GATAD2B: variants seen among roughly 807,000 people sequenced by gnomAD.
The protein encoded by GATAD2B is GATA zinc finger domain containing 2B.
GATAD2B carries 8 observed loss-of-function variants against 64.3 expected under a neutral mutation model. That is an observed-to-expected ratio of 0.12 (90% confidence interval 0.07 to 0.22). GATAD2B has a LOEUF of 0.22. GATAD2B is among the 10% of genes least tolerant of loss of function. The pLI, the probability that GATAD2B is intolerant of heterozygous loss-of-function variation, is 1.00. For missense variants in GATAD2B, 453 were observed against 752.0 expected (o/e 0.60, Z 4.65); for synonymous variants, 281 against 271.3 (o/e 1.04, Z -0.35).
chr1:153,820,733 G>C (rs924609667), intron 2 of GATAD2B, among the ~76,000 whole-genome samples: 1 of 151,428 alleles, frequency 6.6e-6, no homozygotes, highest in African/African-American at 2.4e-5. Context: ...GAGCTCAAGC[G>C]ATCCTCCCAC....
chr1:153,856,729 G>C (rs1325728881), intron 1 of GATAD2B, among the ~76,000 whole-genome samples: 1 of 151,906 alleles, frequency 6.6e-6, no homozygotes, highest in South Asian at 2.1e-4. Context: ...AACATAGCGA[G>C]ACCCCCATCT....
intron 1 of GATAD2B, among the ~76,000 whole-genome samples, chr1:153,882,848 T>C (rs1170400298): frequency 3.3e-5 from 5 of 152,192 alleles, no homozygotes; most frequent in Non-Finnish European, 7.3e-5. Flanking sequence ...CCAATCATTT[T>C]ATAAGGACTT....
chr1:153,818,988 A>G, intron 3 of GATAD2B, 66 bp from the exon 4 acceptor site: 1 of 1,513,802 alleles, frequency 6.6e-7, no homozygotes, highest in Non-Finnish European at 9.0e-7. Flanking sequence ...TGCAAGAGAC[A>G]ATCTTTACTT....
intron 1 of GATAD2B, among the ~76,000 whole-genome samples, chr1:153,894,748 G>C (rs1416581782): frequency 6.6e-6 from 1 of 152,202 alleles, no homozygotes; most frequent in Non-Finnish European, 1.5e-5. Flanking sequence ...TGCAGTCCCA[G>C]CTACTTGGCA....
At position 153,813,232 on chromosome 1, in the gene GATAD2B, A is replaced by G. The variant is rs1674353325; in HGVS notation, c.1419+18T>C. On this transcript the variant is annotated intron_variant, in intron 8 of 10. Coordinates refer to ENST00000368655, the MANE Select transcript of GATAD2B (RefSeq NM_020699.4). ...AACAAACTGGGACAGGTGGCCAGTG[A>G]GCAGTCAGAATTCTTACCTGTTCCT... 2.5e-6 allele frequency: 4 copies of G among 1,603,936 alleles called. No individual in the cohort carries two copies. The East Asian group carries it at 8.9e-5, about 36-fold the overall frequency.
chr1:153,820,315 A>T (rs1396316167), intron 2 of GATAD2B, among the ~76,000 whole-genome samples: 1 of 152,140 alleles, frequency 6.6e-6, no homozygotes, highest in African/African-American at 2.4e-5. Flanking sequence ...TCTAGAAATT[A>T]CTTTGAAATC....
At chr1:153,903,655 C>T (rs1677844371) in intron 1 of GATAD2B, among the ~76,000 whole-genome samples, 1 of 152,178 alleles carries the variant, frequency 6.6e-6, no homozygotes, top group Admixed American at 6.6e-5. Context: ...TACCTAAATA[C>T]TCTTTACCAT....
At chr1:153,832,513 C>T (rs1570941518) in intron 1 of GATAD2B, among the ~76,000 whole-genome samples, 1 of 152,160 alleles carries the variant, frequency 6.6e-6, no homozygotes, top group African/African-American at 2.4e-5. Flanking sequence ...TAAGAAGTCA[C>T]GCCATAACAC....
chr1:153,868,473 T>TG (rs892446622), intron 1 of GATAD2B, among the ~76,000 whole-genome samples: 1 of 148,716 alleles, frequency 6.7e-6, no homozygotes, highest in Non-Finnish European at 1.5e-5. Context: ...GGGGTGGGGG[T>TG]GGATGTGGTC....
At chr1:153,899,236 C>A in intron 1 of GATAD2B, among the ~76,000 whole-genome samples, 1 of 151,670 alleles carries the variant, frequency 6.6e-6, no homozygotes, top group East Asian at 1.9e-4. Context: ...CCAGCCTGGG[C>A]AACATGGCGA....
intron 1 of GATAD2B, among the ~76,000 whole-genome samples, chr1:153,895,120 T>C (rs1349012148): frequency 6.6e-6 from 1 of 151,774 alleles, no homozygotes; most frequent in East Asian, 1.9e-4. Flanking sequence ...ATCACATCAT[T>C]GCACTCCAGC....
intron 1 of GATAD2B, chr1:153,886,428 T>A (rs1198303198): frequency 8.6e-5 from 13 of 152,020 alleles, no homozygotes; most frequent in Non-Finnish European, 1.6e-4. Context: ...TACAACCTTA[T>A]GGGACTACCA....
intron 1 of GATAD2B, among the ~76,000 whole-genome samples, chr1:153,854,661 G>A (rs1226807873): frequency 2.0e-5 from 3 of 152,184 alleles, no homozygotes; most frequent in East Asian, 1.9e-4. Flanking sequence ...AATAGCAGAA[G>A]TGTTTTAGGT....
chr1:153,904,599 T>C (rs1452857266), intron 1 of GATAD2B, among the ~76,000 whole-genome samples: 1 of 152,100 alleles, frequency 6.6e-6, no homozygotes, highest in Non-Finnish European at 1.5e-5. Flanking sequence ...TGGAGTAGAG[T>C]GGCATGACCT....
intron 1 of GATAD2B, among the ~76,000 whole-genome samples, chr1:153,903,473 T>G (rs189562170): frequency 6.6e-6 from 1 of 152,316 alleles, no homozygotes; most frequent in East Asian, 1.9e-4. Context: ...CTTCATGAAC[T>G]AGGCAATCAG....
intron 1 of GATAD2B, among the ~76,000 whole-genome samples, chr1:153,880,580 TTC>T (rs2101939163): frequency 6.6e-6 from 1 of 152,242 alleles, no homozygotes; most frequent in East Asian, 1.9e-4. Flanking sequence ...CAGGAGGCAT[TTC>T]TCTTTTAATC....
chr1:153,887,605 T>C (rs1400238953), intron 1 of GATAD2B, among the ~76,000 whole-genome samples: 1 of 152,184 alleles, frequency 6.6e-6, no homozygotes, highest in Non-Finnish European at 1.5e-5. Flanking sequence ...GTAGTACTCC[T>C]ATTTTATTTT....
intron 1 of GATAD2B, among the ~76,000 whole-genome samples, chr1:153,869,036 T>C (rs962485992): frequency 1.3e-5 from 2 of 152,190 alleles, no homozygotes; most frequent in South Asian, 2.1e-4. Context: ...CTCACGCCTG[T>C]AATCCCAGCA....
At chr1:153,919,279 T>A (rs1678358703) in intron 1 of GATAD2B, among the ~76,000 whole-genome samples, 1 of 152,162 alleles carries the variant, frequency 6.6e-6, no homozygotes, top group Non-Finnish European at 1.5e-5. Context: ...TAAGGGGGAT[T>A]TTGTGAGAGA....
Sources: allele counts gnomAD v4.1 joint callset (sites outside exome capture counted in the v4.1 genomes callset), GRCh38; gene constraint gnomAD v4.1.1; transcripts MANE v1.5; gene names NCBI Gene and HGNC (gene_info 2026-07-23, HGNC 2026-07-21).